MAP6: variants seen among roughly 807,000 people sequenced by gnomAD.
MAP6 encodes the protein microtubule-associated protein 6.
A neutral mutation model predicts 42.4 loss-of-function variants in MAP6; 26 were observed. The ratio of observed to expected loss-of-function variants is 0.61; its 90% CI spans 0.45 to 0.85. The LOEUF (loss-of-function observed/expected upper bound fraction) is 0.85, where lower values mean the gene tolerates loss of function less well. Ranked by LOEUF, MAP6 falls within the 40% of genes least tolerant of loss-of-function variation. The pLI is 0.00. For synonymous variants in MAP6, 418 were observed against 443.8 expected (o/e 0.94, Z 0.73); for missense variants, 966 against 1,099.0 (o/e 0.88, Z 1.71).
intron 1 of MAP6, among the ~76,000 whole-genome samples, chr11:75,613,063 A>G (rs1235893376): frequency 6.6e-6 from 1 of 152,178 alleles, no homozygotes; most frequent in Non-Finnish European, 1.5e-5. Context: ...GGTTAGGGTC[A>G]AGCTAGGCTA....
chr11:75,606,908 C>T (rs1447727941), intron 2 of MAP6, among the ~76,000 whole-genome samples: 1 of 152,218 alleles, frequency 6.6e-6, no homozygotes, highest in Non-Finnish European at 1.5e-5. Flanking sequence ...AATAGGCCAC[C>T]CCCCTCATCT....
intron 1 of MAP6, among the ~76,000 whole-genome samples, chr11:75,629,079 G>A (rs544098842): frequency 2.1e-4 from 32 of 152,148 alleles, no homozygotes; most frequent in South Asian, 6.2e-4. Flanking sequence ...AAAAGCCTGC[G>A]TCTTTCATTT....
intron 1 of MAP6, among the ~76,000 whole-genome samples, chr11:75,652,807 C>T (rs1000927565): frequency 6.7e-6 from 1 of 149,396 alleles, no homozygotes; most frequent in Non-Finnish European, 1.5e-5. Flanking sequence ...CCACTGCACT[C>T]TAGCCTGGGC....
intron 1 of MAP6, among the ~76,000 whole-genome samples, chr11:75,649,601 C>G (rs1048582595): frequency 1.3e-5 from 2 of 152,042 alleles, no homozygotes; most frequent in African/African-American, 4.8e-5. Context: ...TGCAGTGGTG[C>G]AATCTCGGCT....
At chr11:75,638,385 C>G (rs1412958674) in intron 1 of MAP6, 1 of 152,222 alleles carries the variant, frequency 6.6e-6, no homozygotes, top group East Asian at 1.9e-4. Flanking sequence ...ACTAAGGACT[C>G]CGCACTGCCC....
intron 1 of MAP6, among the ~76,000 whole-genome samples, chr11:75,648,954 T>C (rs1451054133): frequency 2.6e-5 from 4 of 152,226 alleles, no homozygotes; most frequent in Non-Finnish European, 5.9e-5. Context: ...TTATATACTA[T>C]TAGTTGAAGT....
chr11:75,653,165 C>T (rs117505561), intron 1 of MAP6, among the ~76,000 whole-genome samples: 95 of 152,336 alleles, frequency 6.2e-4, no homozygotes, highest in Admixed American at 1.2e-3. Context: ...CCAATTCACT[C>T]GCCGAGAGTC....
At chr11:75,627,469 T>C (rs1445378026) in intron 1 of MAP6, among the ~76,000 whole-genome samples, 1 of 152,232 alleles carries the variant, frequency 6.6e-6, no homozygotes, top group Non-Finnish European at 1.5e-5. Context: ...TACGTCCATG[T>C]CTGTATGTGT....
At chr11:75,589,548 T>G (rs770451036) in intron 3 of MAP6, among the ~76,000 whole-genome samples, 1 of 152,146 alleles carries the variant, frequency 6.6e-6, no homozygotes, top group African/African-American at 2.4e-5. Context: ...ACTTGTCTGA[T>G]GAAGAAAATG....
At chr11:75,637,247 TAA>T (rs1943384515) in intron 1 of MAP6, among the ~76,000 whole-genome samples, 1 of 152,204 alleles carries the variant, frequency 6.6e-6, no homozygotes, top group African/African-American at 2.4e-5. Flanking sequence ...AGCAAAAATG[TAA>T]AAGTTAATGG....
intron 1 of MAP6, among the ~76,000 whole-genome samples, chr11:75,633,032 AAGAGAC>A (rs1943309620): frequency 6.7e-6 from 1 of 149,364 alleles, no homozygotes; most frequent in South Asian, 2.1e-4. Context: ...TTGGCATCAG[AAGAGAC>A]AGTATTTTAA....
intron 1 of MAP6, among the ~76,000 whole-genome samples, chr11:75,644,221 T>C (rs1329913724): frequency 1.3e-5 from 2 of 152,228 alleles, no homozygotes; most frequent in African/African-American, 4.8e-5. Flanking sequence ...GGGCACATGA[T>C]CTAGGGAGGG....
In MAP6 at chr11:75,611,589, C is replaced by T. The variant is rs371093090; in HGVS notation, c.906-3267G>A. Among the ~76,000 whole-genome samples, 11 of 151,648 alleles carry T rather than the reference C, an allele frequency of 7.3e-5. No homozygotes were observed. In the East Asian group the frequency reaches 1.4e-3, roughly 19 times the overall value. On this transcript the variant is annotated intron_variant, in intron 1 of 3. Transcript: ENST00000304771. The stretch of plus-strand genomic sequence containing the variant: ...CCCAAATTCCATTTCTTAGAAACTT[C>T]GTCAAGGTGTGAAAATGAGCCAAAT...
intron 1 of MAP6, among the ~76,000 whole-genome samples, chr11:75,658,554 C>T (rs1255101488): frequency 6.6e-6 from 1 of 152,202 alleles, no homozygotes; most frequent in Non-Finnish European, 1.5e-5. Flanking sequence ...CTCACCTAGA[C>T]TGTAGTTTCT....
chr11:75,667,456 G>C lies in MAP6; in HGVS notation c.905+9C>G. 6.8e-7 allele frequency: 1 copy of C among 1,477,796 alleles called. No homozygotes were observed. The highest frequency in any genetic ancestry group is 8.9e-7 in the Non-Finnish European group (1 of 1,121,944). The allele number at this position is 1,477,796 out of a possible 1,614,324, so 91.5% of individuals were successfully genotyped here. A position where few individuals can be genotyped will look rare whatever the true frequency, so the allele number is the denominator to read the frequency against. ...TGACTCCCCCGCGCTAGCAGCGGCC[G>C]CGTCTCACCTGTAGGAGCTGCTCAC... On this transcript the variant is annotated intron_variant, in intron 1 of 3. Coordinates refer to ENST00000304771, the MANE Select transcript of MAP6 (RefSeq NM_033063.2). This position sits in a 1 kb window ranked among gnomAD's most constrained non-coding sequence, Gnocchi z 5.6.
chr11:75,602,413 C>G (rs1942678582), intron 3 of MAP6, among the ~76,000 whole-genome samples: 2 of 152,320 alleles, frequency 1.3e-5, no homozygotes, highest in South Asian at 2.1e-4. Flanking sequence ...CCACAGTGAG[C>G]CAGCCCCCTA....
chr11:75,665,720 G>A (rs1943935453), intron 1 of MAP6, among the ~76,000 whole-genome samples: 1 of 152,068 alleles, frequency 6.6e-6, no homozygotes, highest in African/African-American at 2.4e-5. Context: ...CTTTTCTTTT[G>A]CTCCCCGCTT....
In MAP6 at chr11:75,611,376, AT is replaced by A. The variant is rs1942894447; in HGVS notation, c.906-3055del. Among the ~76,000 whole-genome samples, 3 of 152,352 alleles carry A rather than the reference AT, an allele frequency of 2.0e-5. 1 individual carries two copies. The South Asian group carries it at 6.2e-4, about 32-fold the overall frequency. On this transcript the variant is annotated intron_variant, in intron 1 of 3. Coordinates refer to ENST00000304771, the MANE Select transcript of MAP6 (RefSeq NM_033063.2). ...CAGACCAACCTCTGCAGCCTCCTGC[AT>A]CCCTGCAGTGGCCCCTGTGGGCTGG...
Position 75,668,984 on chromosome 11 carries a change from T to C in MAP6, c.-615A>G, listed in dbSNP as rs1944013317. 2 of 172,202 alleles carry C rather than the reference T, an allele frequency of 1.2e-5. No homozygotes were observed. Among genetic ancestry groups the C allele is most frequent in the Non-Finnish European group, 2.5e-5 (2 of 80,132 alleles). 10.7% of individuals were successfully genotyped at this position (172,202 alleles called of 1,614,324 possible). A position where few individuals can be genotyped will look rare whatever the true frequency, so the allele number is the denominator to read the frequency against. On this transcript the variant is annotated 5_prime_UTR_variant, in exon 1 of 4. Transcript: ENST00000304771. ...CCACCCTTTTCTGCAGCTCTCGGTC[T>C]CCGCCGCTGCCCGCGAATGATGCTG...
Sources: gnomAD v4.1 joint callset for allele counts (sites outside exome capture counted in the v4.1 genomes callset) on GRCh38, gnomAD v4.1.1 for gene constraint, Gnocchi (gnomAD v3.1) non-coding constraint, MANE v1.5 for transcripts, NCBI Gene and HGNC (gene_info 2026-07-23, HGNC 2026-07-21) for gene names.